Variants in PAPPA2 observed in about 807,000 individuals in gnomAD.
PAPPA2 encodes the protein pappalysin 2, also known as pappalysin-2.
PAPPA2 carries 86 observed loss-of-function variants against 176.4 expected under a neutral mutation model. The ratio of observed to expected loss-of-function variants is 0.49; its 90% CI spans 0.41 to 0.58. The LOEUF (loss-of-function observed/expected upper bound fraction) is 0.58. PAPPA2 is among the 20% of genes least tolerant of loss of function. The pLI is 0.00. For missense variants in PAPPA2, 2,073 were observed against 2,256.9 expected, an observed-to-expected ratio of 0.92 and a Z score of 1.65; for synonymous variants, 809 against 852.2, an observed-to-expected ratio of 0.95 and a Z score of 0.88.
intron 3 of PAPPA2, among the ~76,000 whole-genome samples, chr1:176,629,102 A>G (rs1364191308): frequency 1.3e-5 from 2 of 152,354 alleles, no homozygotes; most frequent in Non-Finnish European, 2.9e-5. Flanking sequence ...AGGAGGTTAT[A>G]TACAGTATCA....
Position 176,842,714 on chromosome 1 carries a change from T to C in PAPPA2, c.*260T>C. The C allele has an allele frequency of 2.2e-6, 1 of 463,250 alleles. No homozygotes were observed. The highest frequency in any genetic ancestry group is 3.9e-6 in the Non-Finnish European group (1 of 255,386). The allele number at this position is 463,250 out of a possible 1,614,324, so 28.7% of individuals were successfully genotyped here. ...AACATGGAAGGGGAAATATGATAGATATATAAGGACCCTCCTCCCTCACTT... is the reference window on the plus strand; with the variant it reads ...AACATGGAAGGGGAAATATGATAGACATATAAGGACCCTCCTCCCTCACTT... On this transcript the variant is annotated 3_prime_UTR_variant, in exon 23 of 23. Coordinates refer to ENST00000367662, the MANE Select transcript of PAPPA2 (RefSeq NM_020318.3).
chr1:176,623,982 AG>A (rs766747956), intron 3 of PAPPA2, among the ~76,000 whole-genome samples: 1 of 151,808 alleles, frequency 6.6e-6, no homozygotes, highest in South Asian at 2.1e-4. Context: ...CTGGGGCTAC[AG>A]GTGCATGCCA....
chr1:176,816,377 GCACA>G (rs66557602), intron 21 of PAPPA2, among the ~76,000 whole-genome samples: 95,287 of 144,672 alleles, frequency 0.66, 31,922 homozygotes, highest in East Asian at 0.76. Context: ...ACATCATCAC[GCACA>G]CACACACACA....
intron 14 of PAPPA2, among the ~76,000 whole-genome samples, chr1:176,765,431 T>A (rs940070219): frequency 6.6e-6 from 1 of 152,206 alleles, no homozygotes. Context: ...TTGATCCTCC[T>A]GGAAGAAAGA....
intron 20 of PAPPA2, among the ~76,000 whole-genome samples, chr1:176,798,316 G>A (rs1015419): frequency 0.24 from 36,183 of 152,034 alleles, 5,178 homozygotes; most frequent in African/African-American, 0.39. Flanking sequence ...TAAGGGCCTT[G>A]ACTAGGTTTA....
chr1:176,782,661 G>C (rs1278512588), intron 17 of PAPPA2, among the ~76,000 whole-genome samples: 1 of 152,138 alleles, frequency 6.6e-6, no homozygotes, highest in Non-Finnish European at 1.5e-5. Flanking sequence ...GGTGAATGTG[G>C]CATTGAATAA....
At chr1:176,670,781 G>A (rs924808593) in intron 3 of PAPPA2, among the ~76,000 whole-genome samples, 189 bp from the exon 4 acceptor site, 2 of 152,124 alleles carry the variant, frequency 1.3e-5, no homozygotes, top group African/African-American at 4.8e-5. Context: ...CTATTTATTG[G>A]AATAAGCATC....
chr1:176,746,893 G>A (rs190416532), intron 14 of PAPPA2, among the ~76,000 whole-genome samples: 2 of 152,266 alleles, frequency 1.3e-5, no homozygotes, highest in African/African-American at 4.8e-5. Context: ...TGTAGTGTGT[G>A]TGTTTGCATG....
intron 12 of PAPPA2, among the ~76,000 whole-genome samples, chr1:176,722,809 C>T (rs1661686060): frequency 6.6e-6 from 1 of 152,030 alleles, no homozygotes; most frequent in Non-Finnish European, 1.5e-5. Flanking sequence ...CTTGCCAGGA[C>T]AGTTTGTTGT....
chr1:176,643,038 A>C (rs992409618), intron 3 of PAPPA2, among the ~76,000 whole-genome samples: 1 of 151,886 alleles, frequency 6.6e-6, no homozygotes, highest in Non-Finnish European at 1.5e-5. Context: ...ATAAGACCTC[A>C]CTGAATCCAA....
chr1:176,596,389 C>T (rs1307000289), intron 3 of PAPPA2, among the ~76,000 whole-genome samples: 1 of 152,150 alleles, frequency 6.6e-6, no homozygotes, highest in Non-Finnish European at 1.5e-5. Context: ...CTTTTTTCTG[C>T]CCTCAGGGCT....
rs548559188 is a variant in PAPPA2 at position 176,557,146 on chromosome 1, G to A, written c.824G>A (p.Arg275His). ...GGGAGGCGGGAGCGGCTGCTGCTGC[G>A]TCCAGAAGTGCTGGCTGAGATTCCC... ...FSGRRERLLLRPEVLAEIPRE... is the reference protein window; with the variant it reads ...FSGRRERLLLHPEVLAEIPRE... The change falls in exon 2 of 23, where the codon CGT becomes CAT. Residue 275 changes from arginine (R) to histidine (H), a missense_variant. By Grantham distance (29) the Arg-to-His change is conservative. Transcript: ENST00000367662. 26 of 1,613,906 alleles carry A rather than the reference G, an allele frequency of 1.6e-5. No homozygotes were observed. Among genetic ancestry groups the A allele is most frequent in the African/African-American group, 6.7e-5 (5 of 74,966 alleles).
At chr1:176,812,776 T>A (rs1666211823) in intron 21 of PAPPA2, among the ~76,000 whole-genome samples, 1 of 152,156 alleles carries the variant, frequency 6.6e-6, no homozygotes, top group Non-Finnish European at 1.5e-5. Context: ...ACACCTTTTT[T>A]TTTTCTTAAA....
In PAPPA2 at chr1:176,557,154, G is replaced by C. The variant is rs200434968; in HGVS notation, c.832G>C (p.Val278Leu). The C allele has an allele frequency of 3.7e-6, 6 of 1,613,994 alleles. No individual in the cohort carries two copies. Among genetic ancestry groups the C allele is most frequent in the Non-Finnish European group, 5.1e-6 (6 of 1,180,008 alleles). The change falls in exon 2 of 23, where the codon GTG (valine) becomes CTG (leucine). Residue 278 changes from valine (V) to leucine (L), a missense_variant. By Grantham distance (32) the Val-to-Leu change is conservative (BLOSUM62 1). Transcript: ENST00000367662. ...RRERLLLRPEVLAEIPREAFT... is the reference protein window; with the variant it reads ...RRERLLLRPELLAEIPREAFT... ...GGAGCGGCTGCTGCTGCGTCCAGAAGTGCTGGCTGAGATTCCCCGGGAGGC... is the reference window on the plus strand; with the variant it reads ...GGAGCGGCTGCTGCTGCGTCCAGAACTGCTGGCTGAGATTCCCCGGGAGGC...
intron 1 of PAPPA2, among the ~76,000 whole-genome samples, chr1:176,539,516 G>C (rs1650255896): frequency 6.6e-6 from 1 of 152,190 alleles, no homozygotes; most frequent in African/African-American, 2.4e-5. Context: ...AATAAGGGAA[G>C]GTCTACCCCA....
At chr1:176,610,327 T>C (rs1212326674) in intron 3 of PAPPA2, among the ~76,000 whole-genome samples, 1 of 127,364 alleles carries the variant, frequency 7.9e-6, no homozygotes, top group Non-Finnish European at 1.6e-5. Context: ...GCTGAATTAA[T>C]GCTGCAAAGT....
intron 1 of PAPPA2, among the ~76,000 whole-genome samples, chr1:176,515,954 G>T (rs1572990139): frequency 1.3e-5 from 2 of 152,298 alleles, no homozygotes; most frequent in South Asian, 2.1e-4. Context: ...TTCTCGGAAG[G>T]AGGTATTACT....
chr1:176,705,772 G>A (rs974402863), intron 9 of PAPPA2, among the ~76,000 whole-genome samples: 4 of 152,142 alleles, frequency 2.6e-5, no homozygotes, highest in African/African-American at 9.7e-5. Flanking sequence ...CTGTAACCAG[G>A]TGGTAGTAGG....
At chr1:176,723,131 T>A (rs1487984131) in intron 12 of PAPPA2, among the ~76,000 whole-genome samples, 1 of 152,134 alleles carries the variant, frequency 6.6e-6, no homozygotes, top group Non-Finnish European at 1.5e-5. Context: ...CAGAGCTCAC[T>A]TTTATATAAA....
Sources: gnomAD v4.1 joint callset for allele counts (sites outside exome capture counted in the v4.1 genomes callset) on GRCh38, gnomAD v4.1.1 for gene constraint, MANE v1.5 for transcripts, NCBI Gene and HGNC (gene_info 2026-07-23, HGNC 2026-07-21) for gene names.